GNA15: variants seen among roughly 807,000 people sequenced by gnomAD.
GNA15 encodes the protein guanine nucleotide-binding protein subunit alpha-15.
Under a neutral mutation model 40.1 loss-of-function variants are expected in GNA15, and 23 were observed. The observed-to-expected ratio is 0.57, with a 90% CI of 0.41 to 0.81. The LOEUF (loss-of-function observed/expected upper bound fraction) is 0.81, where lower values mean the gene tolerates loss of function less well. GNA15 is among the 40% of genes least tolerant of loss of function. The pLI is 0.00. For missense variants in GNA15, 522 were observed against 515.8 expected, an observed-to-expected ratio of 1.01 and a Z score of -0.12; for synonymous variants, 226 against 210.4, an observed-to-expected ratio of 1.07 and a Z score of -0.64.
rs1483130427 is a variant in GNA15, at chr19:3,157,849, C to A, written c.866C>A (p.Ser289Tyr). The change falls in exon 6 of 7, where the codon TCC (serine) becomes TAC (tyrosine). Residue 289 changes from serine to tyrosine, a missense_variant. Ser to Tyr is a moderately radical substitution (Grantham distance 144). Coordinates refer to ENST00000262958, the MANE Select transcript of GNA15 (RefSeq NM_002068.4). ...TDILEEKIPT[S>Y]HLATYFPSFQ... ...ATCCTGGAGGAGAAAATCCCCACCT[C>A]CCACCTGGCTACCTATTTCCCCAGT... is the stretch of plus-strand genomic sequence containing the variant. 24 of 1,613,444 alleles carry A rather than the reference C, an allele frequency of 1.5e-5. No homozygotes were observed. Among genetic ancestry groups the A allele is most frequent in the African/African-American group, 2.7e-5 (2 of 74,910 alleles).
Position 3,136,219 on chromosome 19 carries a change from C to G in GNA15, c.-232C>G. The G allele has an allele frequency of 2.1e-6, 1 of 486,104 alleles. No homozygotes were observed. Among genetic ancestry groups the G allele is most frequent in the East Asian group, 3.8e-5 (1 of 26,222 alleles). The allele number at this position is 486,104 out of a possible 1,614,324, so 30.1% of individuals were successfully genotyped here. A position where few individuals can be genotyped will look rare whatever the true frequency, so the allele number is the denominator to read the frequency against. On this transcript the variant is annotated 5_prime_UTR_variant, in exon 1 of 7. Transcript: ENST00000262958. This position sits in a 1 kb window ranked among gnomAD's most constrained non-coding sequence, Gnocchi z 4.9. ...GGGAGCCCTGGCCTCCCCACCTCCT[C>G]CCGTCCCCACCCTGTTCCCAGCACT...
intron 5 of GNA15, 43 bp from the exon 6 acceptor site, chr19:3,157,685 C>T: frequency 6.3e-7 from 1 of 1,589,034 alleles, no homozygotes. Flanking sequence ...TCCTGTCCCA[C>T]CTGGCTGGTT....
chr19:3,148,689 G>C lies in GNA15; in HGVS notation c.244G>C (p.Val82Leu), dbSNP rs759422477. 1 of 1,599,616 alleles carries C rather than the reference G, an allele frequency of 6.3e-7. No homozygotes were observed. Among genetic ancestry groups the C allele is most frequent in the South Asian group, 1.1e-5 (1 of 88,858 alleles). The change falls in exon 2 of 7, where the codon GTC becomes CTC. Residue 82 changes from valine (V) to leucine (L), a missense_variant. Coordinates refer to ENST00000262958, the MANE Select transcript of GNA15 (RefSeq NM_002068.4). ...GGAGCGCAAGGGCTTCCGGCCCCTG[G>C]TCTACCAGAACATCTTCGTGTCCAT... ...EEERKGFRPL[V>L]YQNIFVSMRA... is the part of the protein sequence containing the mutation.
Position 3,155,996 on chromosome 19 carries a change from G to A in GNA15, c.744+44G>A. 1 of 1,591,696 alleles carries A rather than the reference G, an allele frequency of 6.3e-7. No individual in the cohort carries two copies. Among genetic ancestry groups the A allele is most frequent in the Non-Finnish European group, 8.6e-7 (1 of 1,162,456 alleles). On this transcript the variant is annotated intron_variant, in intron 5 of 6. Coordinates refer to ENST00000262958, the MANE Select transcript of GNA15 (RefSeq NM_002068.4). This position sits in a 1 kb window ranked among gnomAD's most constrained non-coding sequence, Gnocchi z 5.6. ...CGCCCTGCCCACTTGTTGGCCCAGG[G>A]ACCCTCACCTGAGCAGGAAGCTCTG...
intron 6 of GNA15, among the ~76,000 whole-genome samples, chr19:3,158,935 A>G (rs1915086894): frequency 6.7e-6 from 1 of 149,286 alleles, no homozygotes; most frequent in Non-Finnish European, 1.5e-5. Flanking sequence ...ATCTGGCCAT[A>G]ACGTTTCTTT....
intron 4 of GNA15, among the ~76,000 whole-genome samples, 174 bp downstream of exon 4, chr19:3,152,009 A>G (rs1022545059): frequency 1.3e-5 from 2 of 152,220 alleles, no homozygotes; most frequent in Non-Finnish European, 2.9e-5. Flanking sequence ...CCAGGTAGTC[A>G]GGACTGGGAC....
chr19:3,157,825 TC>T lies in GNA15; in HGVS notation c.844del (p.Leu282TrpfsTer168), dbSNP rs1371318508. On this transcript the variant is annotated frameshift_variant, in exon 6 of 7. Coordinates refer to ENST00000262958, the MANE Select transcript of GNA15 (RefSeq NM_002068.4). LOFTEE classifies it high-confidence loss of function. The part of the protein sequence containing the change: ...SVILFLNKTD[I>X]LEEKIPTSHL... Reference sequence around the variant, plus strand: ...ATCCTCTTTCTCAACAAAACCGACATCCTGGAGGAGAAAATCCCCACCTCCC... The same window carrying T: ...ATCCTCTTTCTCAACAAAACCGACATCTGGAGGAGAAAATCCCCACCTCCC... 2 of 1,613,690 alleles carry T rather than the reference TC, an allele frequency of 1.2e-6. No individual in the cohort carries two copies. Among genetic ancestry groups the T allele is most frequent in the Non-Finnish European group, 1.7e-6 (2 of 1,179,594 alleles).
chr19:3,150,508 C>T (rs993947095), intron 3 of GNA15, among the ~76,000 whole-genome samples: 1 of 151,790 alleles, frequency 6.6e-6, no homozygotes, highest in Non-Finnish European at 1.5e-5. Context: ...GACCTTGTTC[C>T]TGGGTGGACC....
At chr19:3,162,688 G>T (rs140354406) in intron 6 of GNA15, 105 bp from the exon 7 acceptor site, 1 of 693,630 alleles carries the variant, frequency 1.4e-6, no homozygotes, top group South Asian at 1.7e-5. Flanking sequence ...TGACAGGCGC[G>T]ATCCCTGGGT....
rs748035946 is a variant in GNA15, at chr19:3,150,124, T to G, written c.331-7T>G. Reference sequence around the variant, plus strand: ...CTACCCTAACTGCCCCCGTCCTCCCTCCCCAGCACCACGCTAGCCTGGTCA... The same window carrying G: ...CTACCCTAACTGCCCCCGTCCTCCCGCCCCAGCACCACGCTAGCCTGGTCA... On this transcript the variant is annotated splice_polypyrimidine_tract_variant and splice_region_variant and intron_variant, in intron 2 of 6. Coordinates refer to ENST00000262958, the MANE Select transcript of GNA15 (RefSeq NM_002068.4). The G allele has an allele frequency of 6.2e-7, 1 of 1,610,830 alleles. No individual in the cohort carries two copies. The highest frequency in any genetic ancestry group is 2.2e-5 in the East Asian group (1 of 44,586).
chr19:3,155,396 C>T lies in GNA15; in HGVS notation c.615-427C>T, dbSNP rs57457493. On this transcript the variant is annotated intron_variant, in intron 4 of 6. Coordinates refer to ENST00000262958, the MANE Select transcript of GNA15 (RefSeq NM_002068.4). The surrounding 1 kb of genome is among the most constrained non-coding windows in gnomAD (Gnocchi z 5.6). ...GTGCTCTGGGAACAGCCCTCATTCC[C>T]ATCTGTGTGGCCACTGGACATGCCC... Among the ~76,000 whole-genome samples, 24,886 of 152,162 alleles carry T rather than the reference C, an allele frequency of 0.16. 2,310 individuals are homozygous for T. Among genetic ancestry groups the T allele is most frequent in the Middle Eastern group, 0.21 (62 of 292 alleles).
At chr19:3,152,445 C>T (rs938090260) in intron 4 of GNA15, among the ~76,000 whole-genome samples, 5 of 152,052 alleles carry the variant, frequency 3.3e-5, no homozygotes, top group Admixed American at 6.5e-5. Context: ...ACAGTGGAGC[C>T]GGTGGGCTAG....
intron 1 of GNA15, among the ~76,000 whole-genome samples, chr19:3,147,547 T>TAA (rs60721859): frequency 1.2e-4 from 6 of 51,464 alleles, no homozygotes; most frequent in Admixed American, 4.6e-4. Context: ...AGAATCTGTC[T>TAA]AAAAAAAAAG....
chr19:3,151,627 CTTG>C lies in GNA15; in HGVS notation c.486-79_486-77del, dbSNP rs556619317. 0.015 allele frequency: 21,552 copies of C among 1,451,228 alleles called. 241 individuals carry two copies. The highest frequency in any genetic ancestry group is 0.021 in the South Asian group (1,411 of 66,634). 89.9% of individuals were successfully genotyped at this position (1,451,228 alleles called of 1,614,324 possible). On this transcript the variant is annotated intron_variant, in intron 3 of 6. Coordinates refer to ENST00000262958, the MANE Select transcript of GNA15 (RefSeq NM_002068.4). This position sits in a 1 kb window ranked among gnomAD's most constrained non-coding sequence, Gnocchi z 5.0. ...GGAGCTCTCCTCCCCCAGCAGGGTCCTTGCTGGGCCTTTCGTAGGGCCTGGGAA... is the reference window on the plus strand; with the variant it reads ...GGAGCTCTCCTCCCCCAGCAGGGTCCCTGGGCCTTTCGTAGGGCCTGGGAA...
In GNA15 at chr19:3,162,791, A is replaced by G. The variant is rs1384938774; in HGVS notation, c.899-2A>G. On this transcript the variant is annotated splice_acceptor_variant, in intron 6 of 6. Transcript: ENST00000262958. LOFTEE classifies it high-confidence loss of function. The stretch of plus-strand genomic sequence containing the variant: ...CACCCCCTTCCCACACTGTTTCCCC[A>G]GGCCCTAAGCAGGATGCTGAGGCAG... 6.2e-7 allele frequency: 1 copy of G among 1,608,710 alleles called. No homozygotes were observed. The highest frequency in any genetic ancestry group is 1.7e-5 in the Admixed American group (1 of 59,980).
At position 3,163,055 on chromosome 19, in the gene GNA15, CG is replaced by C; in HGVS notation, c.*39del. ...ACCTGGGGCAGGCGGCACCGGCGGG[CG>C]GGTGGGAGGTGGGAGTGGCTGCAGG... On this transcript the variant is annotated 3_prime_UTR_variant, in exon 7 of 7. Transcript: ENST00000262958. 2.1e-6 allele frequency: 3 copies of C among 1,428,060 alleles called. No homozygotes were observed. Among genetic ancestry groups the C allele is most frequent in the Non-Finnish European group, 3.0e-6 (3 of 1,012,678 alleles). The allele number at this position is 1,428,060 out of a possible 1,614,324, so 88.5% of individuals were successfully genotyped here. A position where few individuals can be genotyped will look rare whatever the true frequency, so the allele number is the denominator to read the frequency against.
At chr19:3,149,348 T>C (rs529419759) in intron 2 of GNA15, 1 of 158,174 alleles carries the variant, frequency 6.3e-6, no homozygotes, top group South Asian at 1.6e-4. Context: ...CACACACACA[T>C]GCACATACAC....
intron 5 of GNA15, 133 bp from the exon 6 acceptor site, chr19:3,157,595 C>T (rs1915057136): frequency 2.8e-6 from 2 of 725,502 alleles, no homozygotes; most frequent in Admixed American, 2.5e-5. Flanking sequence ...ACGGGCACAC[C>T]CGCCTCAGCC....
chr19:3,143,524 C>T (rs1914625912), intron 1 of GNA15, among the ~76,000 whole-genome samples: 1 of 152,070 alleles, frequency 6.6e-6, no homozygotes, highest in Admixed American at 6.6e-5. Flanking sequence ...CGGTGGTGCA[C>T]ACCTGTAATG....
Sources: gnomAD v4.1 joint callset for allele counts (sites outside exome capture counted in the v4.1 genomes callset) on GRCh38, gnomAD v4.1.1 for gene constraint, Gnocchi (gnomAD v3.1) non-coding constraint, MANE v1.5 for transcripts, NCBI Gene and HGNC (gene_info 2026-07-23, HGNC 2026-07-21) for gene names.